Variants in CTNND2 observed in about 807,000 individuals in gnomAD.
CTNND2 encodes catenin delta-2.
Under a neutral mutation model 144.4 loss-of-function variants are expected in CTNND2, and 22 were observed. That is an observed-to-expected ratio of 0.15 (90% CI 0.11 to 0.22). The LOEUF (loss-of-function observed/expected upper bound fraction) is 0.22, where lower values mean the gene tolerates loss of function less well. Among genes scored for constraint, CTNND2 ranks in the 10% least tolerant of loss-of-function variants. CTNND2 has a pLI of 1.00. For synonymous variants in CTNND2, 751 were observed against 695.6 expected (o/e 1.08, Z -1.25); for missense variants, 1,353 against 1,618.8 (o/e 0.84, Z 2.82).
chr5:11,851,331 A>G (rs1232822910), intron 1 of CTNND2, among the ~76,000 whole-genome samples: 2 of 152,190 alleles, frequency 1.3e-5, no homozygotes, highest in African/African-American at 4.8e-5. Context: ...TTCTCTTATT[A>G]GAATAACATT....
intron 6 of CTNND2, among the ~76,000 whole-genome samples, chr5:11,393,149 C>T (rs944630064): frequency 1.3e-5 from 2 of 152,166 alleles, no homozygotes; most frequent in Non-Finnish European, 2.9e-5. Context: ...GAAGTCAGCA[C>T]AACATTAAAT....
intron 9 of CTNND2, among the ~76,000 whole-genome samples, chr5:11,314,559 G>T (rs1002351692): frequency 6.6e-6 from 1 of 152,102 alleles, no homozygotes; most frequent in Non-Finnish European, 1.5e-5. Flanking sequence ...AGAGATGGGG[G>T]TCTCTCTTTA....
intron 1 of CTNND2, among the ~76,000 whole-genome samples, chr5:11,756,243 T>C (rs1788930627): frequency 6.6e-6 from 1 of 151,720 alleles, no homozygotes. Context: ...ATAGAAAATT[T>C]TTTTAAATAT....
chr5:11,211,262 G>C (rs1162064514), intron 10 of CTNND2, among the ~76,000 whole-genome samples: 1 of 152,200 alleles, frequency 6.6e-6, no homozygotes, highest in East Asian at 1.9e-4. Context: ...ATGAGCAAAA[G>C]AGAGGCAGTG....
intron 3 of CTNND2, among the ~76,000 whole-genome samples, chr5:11,499,720 C>T (rs766722352): frequency 6.6e-6 from 1 of 152,112 alleles, no homozygotes; most frequent in Non-Finnish European, 1.5e-5. Flanking sequence ...TTTCTCTTGT[C>T]TCAAAGTTTT....
rs1397333374 is a variant in CTNND2, at chr5:10,988,249, A to G, written c.3212-7T>C. ...GGTGAAGCTGGGGCACTTGCTACAT[A>G]AAGAAATCAAAAGGGGGATTTTCTG... On this transcript the variant is annotated splice_polypyrimidine_tract_variant and splice_region_variant and intron_variant, in intron 19 of 21. Transcript: ENST00000304623. The surrounding 1 kb of genome is among the most constrained non-coding windows in gnomAD (Gnocchi z 5.9). 1 of 1,614,094 alleles carries G rather than the reference A, an allele frequency of 6.2e-7. No individual in the cohort carries two copies. Among genetic ancestry groups the G allele is most frequent in the Non-Finnish European group, 8.5e-7 (1 of 1,179,960 alleles).
At chr5:11,446,372 C>T (rs981318332) in intron 3 of CTNND2, among the ~76,000 whole-genome samples, 3 of 152,266 alleles carry the variant, frequency 2.0e-5, no homozygotes, top group South Asian at 2.1e-4. Flanking sequence ...ATGGGAGGGT[C>T]GGGATCTCCT....
intron 2 of CTNND2, among the ~76,000 whole-genome samples, chr5:11,579,930 G>C (rs1463134566): frequency 6.6e-6 from 1 of 152,114 alleles, no homozygotes; most frequent in Non-Finnish European, 1.5e-5. Context: ...TACATATTGG[G>C]CCAATTTTTT....
chr5:11,875,274 A>G (rs1324147992), intron 1 of CTNND2, among the ~76,000 whole-genome samples: 2 of 152,176 alleles, frequency 1.3e-5, no homozygotes, highest in Non-Finnish European at 2.9e-5. Context: ...CTCTTCCTAC[A>G]ACCTCAATCT....
At chr5:11,648,588 C>T (rs1782481401) in intron 2 of CTNND2, among the ~76,000 whole-genome samples, 1 of 152,090 alleles carries the variant, frequency 6.6e-6, no homozygotes, top group African/African-American at 2.4e-5. Flanking sequence ...CTACCTGATG[C>T]CTGTTTTGCT....
At chr5:11,439,186 C>A (rs1764030628) in intron 3 of CTNND2, among the ~76,000 whole-genome samples, 1 of 152,126 alleles carries the variant, frequency 6.6e-6, no homozygotes, top group Non-Finnish European at 1.5e-5. Flanking sequence ...CTCCAACCAA[C>A]ACCACGTTTT....
intron 12 of CTNND2, among the ~76,000 whole-genome samples, chr5:11,127,854 G>T (rs1350202340): frequency 6.6e-6 from 1 of 152,052 alleles, no homozygotes; most frequent in Non-Finnish European, 1.5e-5. Context: ...ACTTTGAGAT[G>T]ATGCTGTAAT....
rs980225408 is a variant in CTNND2 at position 10,992,542 on chromosome 5, G to A, written c.3211+9C>T. On this transcript the variant is annotated intron_variant, in intron 19 of 21. Transcript: ENST00000304623. ...AAAGCCTGGCTGGCTAGCCACGGCAGCCTCTTACCTGAGCGGTTGTTGGGA... is the reference window on the plus strand; with the variant it reads ...AAAGCCTGGCTGGCTAGCCACGGCAACCTCTTACCTGAGCGGTTGTTGGGA... 6.2e-7 allele frequency: 1 copy of A among 1,613,868 alleles called. No homozygotes were observed. The highest frequency in any genetic ancestry group is 8.5e-7 in the Non-Finnish European group (1 of 1,180,016).
chr5:11,364,896 A>G lies in CTNND2; in HGVS notation c.1178-6T>C. On this transcript the variant is annotated splice_region_variant and splice_polypyrimidine_tract_variant and intron_variant, in intron 7 of 21. Transcript: ENST00000304623. ...GTATGAGGCTCGGGAACCAGCTGAA[A>G]TAAATCAACAGAGGGACATCAAAGC... 6.2e-7 allele frequency: 1 copy of G among 1,609,632 alleles called. No homozygotes were observed. The highest frequency in any genetic ancestry group is 8.5e-7 in the Non-Finnish European group (1 of 1,178,312).
intron 8 of CTNND2, among the ~76,000 whole-genome samples, chr5:11,356,773 G>A (rs1445796827): frequency 6.6e-6 from 1 of 151,344 alleles, no homozygotes; most frequent in African/African-American, 2.4e-5. Flanking sequence ...ATTTAAAAAT[G>A]ATACATCTGA....
chr5:11,251,988 G>T (rs1743704766), intron 9 of CTNND2, among the ~76,000 whole-genome samples: 1 of 152,144 alleles, frequency 6.6e-6, no homozygotes. Context: ...TCAGCATTTA[G>T]AATTGCTTTA....
At chr5:11,388,217 A>T (rs183249039) in intron 6 of CTNND2, among the ~76,000 whole-genome samples, 1 of 152,338 alleles carries the variant, frequency 6.6e-6, no homozygotes, top group Admixed American at 6.5e-5. Flanking sequence ...TGCACTTCCA[A>T]AAAAGCCTCC....
At chr5:11,793,021 G>C (rs1324087339) in intron 1 of CTNND2, among the ~76,000 whole-genome samples, 1 of 152,194 alleles carries the variant, frequency 6.6e-6, no homozygotes, top group Non-Finnish European at 1.5e-5. Context: ...AAATGCTTTA[G>C]ATGGCTAAAA....
chr5:11,231,362 T>C lies in CTNND2; in HGVS notation c.1761+5329A>G, dbSNP rs139255599. On this transcript the variant is annotated intron_variant, in intron 10 of 21. Coordinates refer to ENST00000304623, the MANE Select transcript of CTNND2 (RefSeq NM_001332.4). The stretch of plus-strand genomic sequence containing the variant: ...ACAGTTTGGAGGGCTCAGAAGAAGA[T>C]ATATAGAAGTACAAAAGTTTGGAAG... Among the ~76,000 whole-genome samples, 1,349 of 152,176 alleles carry C rather than the reference T, an allele frequency of 8.9e-3. 32 individuals carry two copies. Among genetic ancestry groups the C allele is most frequent in the Admixed American group, 0.042 (648 of 15,280 alleles).
Sources: gnomAD v4.1 joint callset for allele counts (sites outside exome capture counted in the v4.1 genomes callset) on GRCh38, gnomAD v4.1.1 for gene constraint, Gnocchi (gnomAD v3.1) non-coding constraint, MANE v1.5 for transcripts, NCBI Gene and HGNC (gene_info 2026-07-23, HGNC 2026-07-21) for gene names.